The following VPS37B variants were observed in gnomAD, a reference collection of about 807,000 sequenced individuals.
VPS37B encodes the protein vacuolar protein sorting-associated protein 37B.
A neutral mutation model predicts 21.2 loss-of-function variants in VPS37B; 11 were observed. The ratio of observed to expected loss-of-function variants is 0.52; its 90% CI spans 0.33 to 0.86. VPS37B has a LOEUF of 0.86. VPS37B is among the 40% of genes least tolerant of loss of function. VPS37B has a pLI of 0.03. For missense variants in VPS37B, 389 were observed against 374.8 expected (o/e 1.04, Z -0.31); for synonymous variants, 175 against 159.6 (o/e 1.10, Z -0.73).
Position 122,868,561 on chromosome 12 carries a change from G to A in VPS37B, c.285C>T (p.Asp95=), listed in dbSNP as rs2033956400. 6.2e-7 allele frequency: 1 copy of A among 1,613,200 alleles called. No homozygotes were observed. The highest frequency in any genetic ancestry group is 8.5e-7 in the Non-Finnish European group (1 of 1,179,716). ...CCAAGGAAGCACTGCTAGACTGTCTGTCTGGAAAAAAAGCAAGAGGTATGA... is the reference window on the plus strand; with the variant it reads ...CCAAGGAAGCACTGCTAGACTGTCTATCTGGAAAAAAAGCAAGAGGTATGA... ...EAYQIKKTKL[D]RQSSSASLET... is the part of the protein sequence containing the mutation. Residue 95 remains aspartate, a splice_region_variant and synonymous_variant, in exon 3 of 4, where the codon GAC becomes GAT. Transcript: ENST00000267202. This position sits in a 1 kb window ranked among gnomAD's most constrained non-coding sequence, Gnocchi z 5.5.
chr12:122,878,211 T>G (rs2034187470), intron 1 of VPS37B: 1 of 151,846 alleles, frequency 6.6e-6, no homozygotes, highest in Non-Finnish European at 1.5e-5. Context: ...ATACAAAAAT[T>G]AGCTGGGCAG....
At chr12:122,892,492 C>T (rs781253286) in intron 1 of VPS37B, among the ~76,000 whole-genome samples, 56 of 149,934 alleles carry the variant, frequency 3.7e-4, no homozygotes, top group Non-Finnish European at 6.6e-4. Flanking sequence ...AAAACACTTC[C>T]TTCTGCCAAT....
intron 1 of VPS37B, chr12:122,885,691 T>A (rs1327459832): frequency 2.9e-5 from 4 of 136,396 alleles, no homozygotes; most frequent in East Asian, 2.1e-4. Context: ...TTTTTTTTTT[T>A]TTTTTTTTTT....
At chr12:122,890,346 T>A (rs1184441882) in intron 1 of VPS37B, among the ~76,000 whole-genome samples, 7 of 152,026 alleles carry the variant, frequency 4.6e-5, no homozygotes, top group African/African-American at 1.7e-4. Context: ...GCTTTTTTTT[T>A]TTTTTGAGAC....
Position 122,868,528 on chromosome 12 carries a change from CAG to C in VPS37B, c.316_317del (p.Leu106ValfsTer12). The C allele has an allele frequency of 1.2e-6, 2 of 1,613,892 alleles. No homozygotes were observed. The highest frequency in any genetic ancestry group is 1.7e-6 in the Non-Finnish European group (2 of 1,179,946). On this transcript the variant is annotated frameshift_variant, in exon 3 of 4. Transcript: ENST00000267202. LOFTEE classifies it low-confidence loss of function (END_TRUNC). This position sits in a 1 kb window ranked among gnomAD's most constrained non-coding sequence, Gnocchi z 5.5. ...RQSSSASLET[L>X]LALLQAEGAK... ...CCCCTTCTGCCTGAAGAAGTGCTAA[CAG>C]GGTCTCCAAGGAAGCACTGCTAGAC... is the stretch of plus-strand genomic sequence containing the variant.
At chr12:122,876,147 C>T (rs1429880552) in intron 1 of VPS37B, 2 of 152,176 alleles carry the variant, frequency 1.3e-5, no homozygotes, top group African/African-American at 4.8e-5. Context: ...CCCACCTATC[C>T]GTGCATGAGC....
At chr12:122,874,279 C>G (rs2034102147) in intron 1 of VPS37B, 1 of 152,222 alleles carries the variant, frequency 6.6e-6, no homozygotes, top group South Asian at 2.1e-4. Flanking sequence ...TCCCCGTTTA[C>G]TGGGGAGTAG....
rs545092379 is a variant in VPS37B, at chr12:122,868,033, C to G, written c.367-426G>C. 6.6e-4 allele frequency among the ~76,000 whole-genome samples: 101 copies of G among 152,360 alleles called. No homozygotes were observed. The highest frequency in any genetic ancestry group is 2.3e-3 in the African/African-American group (96 of 41,580). On this transcript the variant is annotated intron_variant, in intron 3 of 3. Transcript: ENST00000267202. The surrounding 1 kb of genome is among the most constrained non-coding windows in gnomAD (Gnocchi z 5.5). ...GCTTCAGAGTTCATCGAGCCCAGCC[C>G]TATCTTGGCAAGACCCTGCCGGCCC...
At chr12:122,874,933 G>C (rs2034116400) in intron 1 of VPS37B, 1 of 112,898 alleles carries the variant, frequency 8.9e-6, no homozygotes, top group Non-Finnish European at 1.7e-5. Flanking sequence ...GGCAACAAGA[G>C]TGAAACTCCG....
At chr12:122,892,075 T>A (rs941035222) in intron 1 of VPS37B, among the ~76,000 whole-genome samples, 1 of 152,210 alleles carries the variant, frequency 6.6e-6, no homozygotes, top group African/African-American at 2.4e-5. Context: ...GGGAGTGCCC[T>A]GCAAGTCCAA....
intron 1 of VPS37B, chr12:122,882,093 T>TG (rs2034255073): frequency 6.6e-6 from 1 of 152,230 alleles, no homozygotes; most frequent in Non-Finnish European, 1.5e-5. Flanking sequence ...CCTCTGCATG[T>TG]GTTGGCTCAA....
At chr12:122,888,473 T>C in intron 1 of VPS37B, 1 of 450,136 alleles carries the variant, frequency 2.2e-6, no homozygotes, top group Non-Finnish European at 4.5e-6. Context: ...AGTGATTACC[T>C]ACGAGTGGCT....
At position 122,872,552 on chromosome 12, in the gene VPS37B, C is replaced by T. The variant is rs894566462; in HGVS notation, c.112-1491G>A. Reference sequence around the variant, plus strand: ...TTGGGACTGGAAAGACGCAGTTTCACTCGGGTTTCTGGTAAGCAGTGGGGC... The same window carrying T: ...TTGGGACTGGAAAGACGCAGTTTCATTCGGGTTTCTGGTAAGCAGTGGGGC... On this transcript the variant is annotated intron_variant, in intron 1 of 3. Coordinates refer to ENST00000267202, the MANE Select transcript of VPS37B (RefSeq NM_024667.3). 11 of 985,322 alleles carry T rather than the reference C, an allele frequency of 1.1e-5. No individual in the cohort carries two copies. The African/African-American group carries it at 1.4e-4, about 13-fold the overall frequency. 61.0% of individuals were successfully genotyped at this position (985,322 alleles called of 1,614,324 possible).
At position 122,866,352 on chromosome 12, in the gene VPS37B, A is replaced by C. The variant is rs1199479897; in HGVS notation, c.*764T>G. On this transcript the variant is annotated 3_prime_UTR_variant, in exon 4 of 4. Transcript: ENST00000267202. ...AGTTTTTTCAATATAAAACAGGAAA[A>C]TCACACACGTAGTAAAAATATTGGG... The C allele has an allele frequency of 6.6e-6, 1 of 152,636 alleles. No individual in the cohort carries two copies. The highest frequency in any genetic ancestry group is 1.5e-5 in the Non-Finnish European group (1 of 68,054). The allele number at this position is 152,636 out of a possible 1,614,324, so 9.5% of individuals were successfully genotyped here.
chr12:122,872,353 C>A, intron 1 of VPS37B: 1 of 985,498 alleles, frequency 1.0e-6, no homozygotes, highest in Non-Finnish European at 1.2e-6. Flanking sequence ...CTCCAGACAA[C>A]AGCTGCACCC....
chr12:122,877,622 C>T (rs1264613096), intron 1 of VPS37B: 1 of 152,266 alleles, frequency 6.6e-6, no homozygotes, highest in Non-Finnish European at 1.5e-5. Context: ...TCTGCTCACA[C>T]TGGCTCTTCA....
chr12:122,891,412 GAAACTGAAGC>G (rs1220374523), intron 1 of VPS37B, among the ~76,000 whole-genome samples: 1 of 152,204 alleles, frequency 6.6e-6, no homozygotes, highest in African/African-American at 2.4e-5. Context: ...AACAGTTGAG[GAAACTGAAGC>G]ACAGGGTTTA....
At chr12:122,871,665 A>G in intron 1 of VPS37B, 1 of 985,434 alleles carries the variant, frequency 1.0e-6, no homozygotes, top group Non-Finnish European at 1.2e-6. Context: ...AGCCGACCAA[A>G]AGCTGGGGGA....
At chr12:122,881,550 C>T (rs1317329805) in intron 1 of VPS37B, 1 of 152,154 alleles carries the variant, frequency 6.6e-6, no homozygotes, top group Admixed American at 6.6e-5. Flanking sequence ...GGAGAACAGC[C>T]TGAGCAATAA....
Sources: allele counts gnomAD v4.1 joint callset (sites outside exome capture counted in the v4.1 genomes callset), GRCh38; gene constraint gnomAD v4.1.1; non-coding constraint Gnocchi (gnomAD v3.1); transcripts MANE v1.5; gene names NCBI Gene and HGNC (gene_info 2026-07-23, HGNC 2026-07-21).